Variants in NBEA observed in about 807,000 individuals in gnomAD.
NBEA encodes the protein lysosomal-trafficking regulator 2.
In NBEA, 44 loss-of-function variants were observed where a neutral mutation model predicts 343.4. That is an observed-to-expected ratio of 0.13 (90% CI 0.10 to 0.16). The LOEUF (loss-of-function observed/expected upper bound fraction) is 0.16, where lower values mean the gene tolerates loss of function less well. NBEA is among the 10% of genes least tolerant of loss of function. The pLI is 1.00. For missense variants in NBEA, 2,555 were observed against 3,631.3 expected, an observed-to-expected ratio of 0.70 and a Z score of 7.62; for synonymous variants, 1,175 against 1,238.7, an observed-to-expected ratio of 0.95 and a Z score of 1.08.
At chr13:35,287,453 C>T (rs2035503052) in intron 34 of NBEA, among the ~76,000 whole-genome samples, 1 of 151,942 alleles carries the variant, frequency 6.6e-6, no homozygotes, top group African/African-American at 2.4e-5. Context: ...ATATAATTTT[C>T]CTTCAATCTT....
intron 33 of NBEA, among the ~76,000 whole-genome samples, chr13:35,217,132 T>C (rs74048949): frequency 0.045 from 6,863 of 152,078 alleles, 180 homozygotes; most frequent in South Asian, 0.079. Flanking sequence ...TGGATAAATA[T>C]GCAGAACATC....
intron 8 of NBEA, among the ~76,000 whole-genome samples, chr13:35,059,520 T>C (rs1303206282): frequency 6.6e-6 from 1 of 151,882 alleles, no homozygotes; most frequent in Non-Finnish European, 1.5e-5. Flanking sequence ...ACATTGGGAA[T>C]TGTAAAGTCT....
intron 18 of NBEA, among the ~76,000 whole-genome samples, chr13:35,146,849 C>T (rs921615668): frequency 6.6e-6 from 1 of 152,144 alleles, no homozygotes; most frequent in Non-Finnish European, 1.5e-5. Flanking sequence ...ACAAAAGCCA[C>T]ATCAAGCATT....
chr13:35,550,966 T>TA lies in NBEA; in HGVS notation c.6747dup (p.Val2250SerfsTer4). ...TTTAATTTCCCTGATCAAGCAACAGTAAAAAAAGTTGTCTATAGCTTGCCT... is the reference window on the plus strand; with the variant it reads ...TTTAATTTCCCTGATCAAGCAACAGTAAAAAAAAGTTGTCTATAGCTTGCCT... On this transcript the variant is annotated frameshift_variant, in exon 43 of 59. Coordinates refer to ENST00000379939, the MANE Select transcript of NBEA (RefSeq NM_001385012.1). LOFTEE classifies it high-confidence loss of function. 6.2e-7 allele frequency: 1 copy of TA among 1,611,280 alleles called. No homozygotes were observed. The highest frequency in any genetic ancestry group is 8.5e-7 in the Non-Finnish European group (1 of 1,177,934).
chr13:35,392,675 G>C (rs1422422810), intron 38 of NBEA, among the ~76,000 whole-genome samples: 2 of 152,054 alleles, frequency 1.3e-5, no homozygotes, highest in African/African-American at 2.4e-5. Context: ...CAATCCCAAG[G>C]GTTGTGCATA....
At chr13:35,544,707 G>C (rs1256109335) in intron 41 of NBEA, among the ~76,000 whole-genome samples, 2 of 152,178 alleles carry the variant, frequency 1.3e-5, no homozygotes, top group Admixed American at 1.3e-4. Flanking sequence ...AGCCTGACAT[G>C]AACTTTCTCC....
At chr13:35,668,613 C>T in intron 58 of NBEA, 94 bp downstream of exon 58, 1 of 1,225,372 alleles carries the variant, frequency 8.2e-7, no homozygotes, top group Non-Finnish European at 1.1e-6. Context: ...GAGTGCAATT[C>T]CAGCATCCAA....
chr13:35,161,632 C>A, intron 22 of NBEA, 118 bp from the exon 23 acceptor site: 1 of 903,760 alleles, frequency 1.1e-6, no homozygotes, highest in Non-Finnish European at 1.6e-6. Flanking sequence ...ATATATTAAA[C>A]TGCTAAAGTC....
chr13:35,300,698 T>C (rs1352406232), intron 35 of NBEA, among the ~76,000 whole-genome samples: 1 of 152,196 alleles, frequency 6.6e-6, no homozygotes, highest in Non-Finnish European at 1.5e-5. Flanking sequence ...CTGACTCCTA[T>C]GGAAAGGGGC....
intron 41 of NBEA, chr13:35,476,673 C>A (rs1018720933): frequency 1.4e-6 from 1 of 726,562 alleles, no homozygotes. Context: ...TCAGAAGAAG[C>A]TGCTGTTGGT....
At chr13:35,139,753 T>TTTG (rs2067976763) in intron 17 of NBEA, among the ~76,000 whole-genome samples, 2 of 143,522 alleles carry the variant, frequency 1.4e-5, no homozygotes, top group African/African-American at 2.6e-5. Flanking sequence ...CGTTTTTTTT[T>TTTG]TTTTTTTTTT....
At chr13:35,044,582 G>T (rs1371465404) in intron 2 of NBEA, among the ~76,000 whole-genome samples, 2 of 149,412 alleles carry the variant, frequency 1.3e-5, no homozygotes, top group Non-Finnish European at 3.0e-5. Context: ...ACCTTTCCCT[G>T]CACACAGCAG....
At chr13:35,222,273 T>C (rs757906944) in intron 33 of NBEA, among the ~76,000 whole-genome samples, 8 of 152,138 alleles carry the variant, frequency 5.3e-5, no homozygotes, top group Non-Finnish European at 1.5e-5. Context: ...TTTCAACTCC[T>C]TACATGACTT....
intron 22 of NBEA, 115 bp from the exon 23 acceptor site, chr13:35,161,635 C>T: frequency 2.1e-6 from 2 of 932,826 alleles, no homozygotes; most frequent in Non-Finnish European, 3.2e-6. Flanking sequence ...TATTAAACTG[C>T]TAAAGTCATA....
At chr13:35,569,028 T>A in intron 45 of NBEA, among the ~76,000 whole-genome samples, 1 of 152,208 alleles carries the variant, frequency 6.6e-6, no homozygotes, top group East Asian at 1.9e-4. Context: ...GATGGGTTAA[T>A]AAGCATAAAG....
At chr13:35,019,702 A>G (rs190117399) in intron 1 of NBEA, among the ~76,000 whole-genome samples, 21 of 152,302 alleles carry the variant, frequency 1.4e-4, no homozygotes, top group Admixed American at 1.2e-3. Context: ...ATATAGGACT[A>G]TTTAGATTGG....
At chr13:34,948,365 G>T (rs1160855203) in intron 1 of NBEA, among the ~76,000 whole-genome samples, 1 of 152,166 alleles carries the variant, frequency 6.6e-6, no homozygotes, top group African/African-American at 2.4e-5. Flanking sequence ...GTGCTGGAAG[G>T]CTTTCTGATG....
At chr13:35,171,184 T>C in intron 25 of NBEA, 88 bp from the exon 26 acceptor site, 2 of 978,804 alleles carry the variant, frequency 2.0e-6, no homozygotes, top group Non-Finnish European at 3.2e-6. Flanking sequence ...ATACTAAATT[T>C]ATGTTCACTT....
chr13:35,591,104 C>A (rs1210267023), intron 46 of NBEA, among the ~76,000 whole-genome samples: 1 of 152,000 alleles, frequency 6.6e-6, no homozygotes, highest in Non-Finnish European at 1.5e-5. Flanking sequence ...TATGTTATTT[C>A]ATTTAATCTT....
Sources: gnomAD v4.1 joint callset for allele counts (sites outside exome capture counted in the v4.1 genomes callset) on GRCh38, gnomAD v4.1.1 for gene constraint, MANE v1.5 for transcripts, NCBI Gene and HGNC (gene_info 2026-07-23, HGNC 2026-07-21) for gene names.